TAAR5: variants seen among roughly 807,000 people sequenced by gnomAD.
The protein encoded by TAAR5 is trace amine associated receptor 5, also known as trace amine-associated receptor 5.
TAAR5 carries 27 observed loss-of-function variants against 21.1 expected under a neutral mutation model. The ratio of observed to expected loss-of-function variants is 1.28; its 90% CI spans 0.94 to 1.76. The LOEUF (loss-of-function observed/expected upper bound fraction) is 1.76. TAAR5 is among the 40% of genes most tolerant of loss of function. TAAR5 has a pLI of 0.00. For synonymous variants in TAAR5, 203 were observed against 167.5 expected (o/e 1.21, Z -1.64); for missense variants, 495 against 405.6 (o/e 1.22, Z -1.89).
chr6:132,613,574 T>A, the TAAR5 span, among the ~76,000 whole-genome samples: 1 of 152,230 alleles, frequency 6.6e-6, no homozygotes, highest in East Asian at 1.9e-4. Context: ...AAGTTTTAGT[T>A]TTAAGCACTG....
chr6:132,590,187 C>G (rs1037433610), upstream of TAAR5, among the ~76,000 whole-genome samples: 3 of 152,206 alleles, frequency 2.0e-5, no homozygotes, highest in African/African-American at 7.2e-5. Flanking sequence ...AGTGTAACTT[C>G]TAGCTTCTCT....
At chr6:132,591,826 C>T (rs1776911876), upstream of TAAR5, among the ~76,000 whole-genome samples, 1 of 152,204 alleles carries the variant, frequency 6.6e-6, no homozygotes, top group Admixed American at 6.5e-5. Flanking sequence ...ATCTCTATGT[C>T]TCAGATTACT....
chr6:132,603,302 CAAAA>C, the TAAR5 span, among the ~76,000 whole-genome samples: 9 of 99,238 alleles, frequency 9.1e-5, no homozygotes, highest in Admixed American at 2.3e-4. Flanking sequence ...GACCCTATCT[CAAAA>C]AAAAAAAAAA....
the TAAR5 span, among the ~76,000 whole-genome samples, chr6:132,615,310 G>A: frequency 1.3e-5 from 2 of 152,090 alleles, no homozygotes; most frequent in Non-Finnish European, 2.9e-5. Context: ...ATCCAAGGGA[G>A]GAATAATTGT....
chr6:132,601,424 TA>T, the TAAR5 span, among the ~76,000 whole-genome samples: 1 of 152,220 alleles, frequency 6.6e-6, no homozygotes, highest in South Asian at 2.1e-4. Flanking sequence ...AATTCTAGCT[TA>T]CCATTGTGTT....
the TAAR5 span, among the ~76,000 whole-genome samples, chr6:132,601,019 G>GGAAGGAGGGAAGGAA: frequency 1.2e-3 from 23 of 19,614 alleles, no homozygotes; most frequent in African/African-American, 9.5e-3. Flanking sequence ...GAAGGAAGGG[G>GGAAGGAGGGAAGGAA]GGAAGGAGGG....
At chr6:132,607,439 G>A in the TAAR5 span, among the ~76,000 whole-genome samples, 1 of 152,046 alleles carries the variant, frequency 6.6e-6, no homozygotes, top group Non-Finnish European at 1.5e-5. Flanking sequence ...ATCTGATTTA[G>A]ATCATAGGTA....
chr6:132,599,744 ATGGGGATGGC>A, the TAAR5 span, among the ~76,000 whole-genome samples: 1 of 152,182 alleles, frequency 6.6e-6, no homozygotes, highest in Non-Finnish European at 1.5e-5. Flanking sequence ...GCCTTCGTGA[ATGGGGATGGC>A]TGGAAATGTT....
chr6:132,605,294 G>C, the TAAR5 span, among the ~76,000 whole-genome samples: 1 of 152,186 alleles, frequency 6.6e-6, no homozygotes, highest in Non-Finnish European at 1.5e-5. Context: ...GAGAAGACAG[G>C]GGTGGAAGGG....
At chr6:132,589,973 G>A (rs532316759), upstream of TAAR5, among the ~76,000 whole-genome samples, 1 of 152,206 alleles carries the variant, frequency 6.6e-6, no homozygotes, top group East Asian at 1.9e-4. Context: ...AGTGTAGGTA[G>A]TATTCTTAAA....
the TAAR5 span, among the ~76,000 whole-genome samples, chr6:132,595,955 C>T: frequency 6.6e-6 from 1 of 152,162 alleles, no homozygotes; most frequent in African/African-American, 2.4e-5. Context: ...CATCCTGCCA[C>T]TTATGACATA....
upstream of TAAR5, among the ~76,000 whole-genome samples, chr6:132,593,465 C>T (rs531241383): frequency 1.3e-5 from 2 of 152,298 alleles, no homozygotes; most frequent in South Asian, 2.1e-4. Context: ...AATTACCATT[C>T]CCCCTGAGAT....
the TAAR5 span, chr6:132,595,466 T>C: frequency 2.0e-5 from 3 of 152,182 alleles, no homozygotes; most frequent in African/African-American, 7.2e-5. Context: ...CTATGAATCT[T>C]GTTCAAAAGT....
the TAAR5 span, among the ~76,000 whole-genome samples, chr6:132,598,605 T>C: frequency 6.6e-6 from 1 of 152,232 alleles, no homozygotes; most frequent in Admixed American, 6.5e-5. Flanking sequence ...TAGCAGGCTG[T>C]GCTGCTGCCA....
chr6:132,615,663 C>T, the TAAR5 span, among the ~76,000 whole-genome samples: 1 of 151,894 alleles, frequency 6.6e-6, no homozygotes, highest in Non-Finnish European at 1.5e-5. Flanking sequence ...ATACAGGACA[C>T]TGGATCACTC....
Position 132,589,476 on chromosome 6 carries a change from A to G in TAAR5, c.211T>C (p.Phe71Leu). Residue 71 changes from phenylalanine to leucine, a missense_variant, in exon 1 of 1, where the codon TTC becomes CTC. Phe to Leu is a conservative substitution (Grantham distance 22). Transcript: ENST00000258034. Reference protein sequence around the residue: ...YFKALHTPTNFLLLSLALADM... With the variant: ...YFKALHTPTNLLLLSLALADM... ...GCCAGGGCCAGGGAGAGCAGCAGGAAGTTGGTGGGCGTGTGAAGCGCTTTG... is the reference window on the plus strand; with the variant it reads ...GCCAGGGCCAGGGAGAGCAGCAGGAGGTTGGTGGGCGTGTGAAGCGCTTTG... 2 of 1,613,960 alleles carry G rather than the reference A, an allele frequency of 1.2e-6. No individual in the cohort carries two copies. Among genetic ancestry groups the G allele is most frequent in the South Asian group, 2.2e-5 (2 of 91,062 alleles).
the TAAR5 span, chr6:132,608,440 G>A: frequency 8.8e-6 from 4 of 455,836 alleles, no homozygotes; most frequent in South Asian, 4.6e-5. Context: ...GTCTAGGTAT[G>A]GGTCAATCAG....
In TAAR5 at chr6:132,589,271, G is replaced by T. The variant is rs755023939; in HGVS notation, c.416C>A (p.Pro139His). The change falls in exon 1 of 1, where the codon CCC becomes CAC. Residue 139 changes from proline to histidine, a missense_variant. Coordinates refer to ENST00000258034, the MANE Select transcript of TAAR5 (RefSeq NM_003967.3). ...SIDRHCAICD[P>H]LLYPSKFTVR... Reference sequence around the variant, plus strand: ...TGTGAACTTGGAGGGATAGAGCAGGGGGTCACAGATGGCACAGTGGCGGTC... The same window carrying T: ...TGTGAACTTGGAGGGATAGAGCAGGTGGTCACAGATGGCACAGTGGCGGTC... 9.9e-6 allele frequency: 16 copies of T among 1,610,778 alleles called. No individual in the cohort carries two copies. The Admixed American group carries it at 2.5e-4, about 25-fold the overall frequency.
chr6:132,593,876 G>A (rs1280885609), upstream of TAAR5, among the ~76,000 whole-genome samples: 2 of 152,088 alleles, frequency 1.3e-5, no homozygotes, highest in African/African-American at 4.8e-5. Context: ...CATTACAATT[G>A]GAAGTAACTA....
Sources: gnomAD v4.1 joint callset for allele counts (sites outside exome capture counted in the v4.1 genomes callset) on GRCh38, gnomAD v4.1.1 for gene constraint, MANE v1.5 for transcripts, NCBI Gene and HGNC (gene_info 2026-07-23, HGNC 2026-07-21) for gene names.